Variants in PGBD5 observed in about 807,000 individuals in gnomAD.
PGBD5 encodes piggyBac transposable element-derived protein 5.
PGBD5 carries 14 observed loss-of-function variants against 47.9 expected under a neutral mutation model. The ratio of observed to expected loss-of-function variants is 0.29; its 90% CI spans 0.19 to 0.46. The LOEUF is 0.46. PGBD5 is among the 20% of genes least tolerant of loss of function. PGBD5 has a pLI of 1.00. For synonymous variants in PGBD5, 316 were observed against 306.3 expected, an observed-to-expected ratio of 1.03 and a Z score of -0.33; for missense variants, 635 against 716.0, an observed-to-expected ratio of 0.89 and a Z score of 1.29.
chr1:230,396,235 CA>C (rs1558210754), intron 1 of PGBD5, among the ~76,000 whole-genome samples: 25 of 9,900 alleles, frequency 2.5e-3, no homozygotes, highest in Non-Finnish European at 3.9e-3. Context: ...TTTTTACCCC[CA>C]CACTCCTCCC....
In PGBD5 at chr1:230,319,112, G is replaced by A. The variant is rs1467750594; in HGVS notation, c.*4313C>T. 7 of 152,220 alleles carry A rather than the reference G, an allele frequency of 4.6e-5. No homozygotes were observed. Among genetic ancestry groups the A allele is most frequent in the Non-Finnish European group, 1.0e-4 (7 of 68,060 alleles). The allele number at this position is 152,220 out of a possible 1,614,324, so 9.4% of individuals were successfully genotyped here. ...GACAGCCAGTGCCCACAGCAGTTAG[G>A]ACGCGGCCTCCTGCGTCAGGCAAAC... On this transcript the variant is annotated 3_prime_UTR_variant, in exon 7 of 7. Transcript: ENST00000391860.
At chr1:230,337,736 C>T (rs1430195764) in intron 3 of PGBD5, among the ~76,000 whole-genome samples, 1 of 152,028 alleles carries the variant, frequency 6.6e-6, no homozygotes, top group Non-Finnish European at 1.5e-5. Flanking sequence ...TTATAGTAAC[C>T]CCCATCAGGC....
intron 1 of PGBD5, among the ~76,000 whole-genome samples, chr1:230,420,504 G>A (rs190114347): frequency 7.9e-5 from 12 of 152,228 alleles, no homozygotes; most frequent in South Asian, 2.1e-4. Flanking sequence ...TGTCAAGGGC[G>A]GGGCCAGGTG....
In PGBD5 at chr1:230,369,350, A is replaced by T. The variant is rs551121989; in HGVS notation, c.332-12029T>A. Among the ~76,000 whole-genome samples the T allele has an allele frequency of 3.6e-4, 55 of 152,354 alleles. 1 individual carries two copies. The East Asian group carries it at 0.01, about 28-fold the overall frequency. Reference sequence around the variant, plus strand: ...CACCTATAAGACAGGCTCATGGGTCAGGGGGACTGCTTGCCCTCTGCTCAC... The same window carrying T: ...CACCTATAAGACAGGCTCATGGGTCTGGGGGACTGCTTGCCCTCTGCTCAC... On this transcript the variant is annotated intron_variant, in intron 1 of 6. Transcript: ENST00000391860.
At chr1:230,407,934 T>C (rs1057302560) in intron 1 of PGBD5, among the ~76,000 whole-genome samples, 1 of 152,188 alleles carries the variant, frequency 6.6e-6, no homozygotes, top group Non-Finnish European at 1.5e-5. Flanking sequence ...AACTGCATCA[T>C]CCTGTGGATT....
chr1:230,405,069 C>A (rs1385983501), intron 1 of PGBD5, among the ~76,000 whole-genome samples: 6 of 150,832 alleles, frequency 4.0e-5, no homozygotes, highest in Non-Finnish European at 1.5e-5. Flanking sequence ...GTGGCAGGCG[C>A]CTGTAGTCCC....
chr1:230,385,180 C>A (rs767392706), intron 1 of PGBD5, among the ~76,000 whole-genome samples: 48 of 134,712 alleles, frequency 3.6e-4, no homozygotes, highest in Non-Finnish European at 6.6e-4. Context: ...TAGATCCCCC[C>A]ATAACTCACT....
chr1:230,382,928 AG>A (rs140632565), intron 1 of PGBD5, among the ~76,000 whole-genome samples: 35,519 of 152,030 alleles, frequency 0.23, 5,319 homozygotes, highest in Non-Finnish European at 0.32. Flanking sequence ...CTTCATTGTA[AG>A]GATGCAGGCT....
intron 1 of PGBD5, among the ~76,000 whole-genome samples, chr1:230,376,450 G>A (rs889913400): frequency 6.6e-6 from 1 of 151,940 alleles, no homozygotes; most frequent in East Asian, 1.9e-4. Flanking sequence ...TAGAGTGGCT[G>A]AGTGGATTCT....
chr1:230,399,940 C>T (rs1377987450), intron 1 of PGBD5, among the ~76,000 whole-genome samples: 3 of 152,228 alleles, frequency 2.0e-5, no homozygotes, highest in African/African-American at 7.2e-5. Flanking sequence ...AGATCCCACG[C>T]TTGTCCTCTT....
rs1226689223 is a variant in PGBD5, at chr1:230,322,870, C to A, written c.*555G>T. 1.3e-5 allele frequency: 2 copies of A among 153,006 alleles called. No individual in the cohort carries two copies. The highest frequency in any genetic ancestry group is 3.8e-4 in the East Asian group (2 of 5,196). The allele number at this position is 153,006 out of a possible 1,614,324, so 9.5% of individuals were successfully genotyped here. Reference sequence around the variant, plus strand: ...AATGGGCACCCACTCCCCATTTCACCACTGTACACCCAGGATGTGTGTCTT... The same window carrying A: ...AATGGGCACCCACTCCCCATTTCACAACTGTACACCCAGGATGTGTGTCTT... On this transcript the variant is annotated 3_prime_UTR_variant, in exon 7 of 7. Coordinates refer to ENST00000391860, the MANE Select transcript of PGBD5 (RefSeq NM_001258311.2). The surrounding 1 kb of genome is among the most constrained non-coding windows in gnomAD (Gnocchi z 5.9).
chr1:230,321,623 C>T lies in PGBD5; in HGVS notation c.*1802G>A, dbSNP rs1189752409. On this transcript the variant is annotated 3_prime_UTR_variant, in exon 7 of 7. Transcript: ENST00000391860. Reference sequence around the variant, plus strand: ...CCCGCCTGTTCCCTGACCTTTTAAACGAATTCACGTATTAACGGAGAATCA... The same window carrying T: ...CCCGCCTGTTCCCTGACCTTTTAAATGAATTCACGTATTAACGGAGAATCA... 6.6e-6 allele frequency: 1 copy of T among 152,356 alleles called. No homozygotes were observed. The highest frequency in any genetic ancestry group is 2.4e-5 in the African/African-American group (1 of 41,446). The allele number at this position is 152,356 out of a possible 1,614,324, so 9.4% of individuals were successfully genotyped here.
chr1:230,384,444 CT>C (rs1558206703), intron 1 of PGBD5, among the ~76,000 whole-genome samples: 1 of 152,094 alleles, frequency 6.6e-6, no homozygotes. Flanking sequence ...AATTCTGCCC[CT>C]GGCATGTGAA....
Position 230,317,209 on chromosome 1 carries a change from G to A in PGBD5, c.*6216C>T, listed in dbSNP as rs1018485363. 6.6e-6 allele frequency: 1 copy of A among 152,240 alleles called. No homozygotes were observed. The highest frequency in any genetic ancestry group is 6.5e-5 in the Admixed American group (1 of 15,284). 9.4% of individuals were successfully genotyped at this position (152,240 alleles called of 1,614,324 possible). The stretch of plus-strand genomic sequence containing the variant: ...CACCCTCAAGGGCACAGACCACGTT[G>A]GGGTAACACGTGCCCAGTTCTTAGC... On this transcript the variant is annotated 3_prime_UTR_variant, in exon 7 of 7. Coordinates refer to ENST00000391860, the MANE Select transcript of PGBD5 (RefSeq NM_001258311.2).
chr1:230,404,470 T>C (rs903934766), intron 1 of PGBD5, among the ~76,000 whole-genome samples: 2 of 151,668 alleles, frequency 1.3e-5, no homozygotes, highest in African/African-American at 4.8e-5. Context: ...CCAAGTGTGG[T>C]GGCGCGCACC....
intron 3 of PGBD5, among the ~76,000 whole-genome samples, chr1:230,341,149 A>C (rs1371258718): frequency 6.6e-6 from 1 of 152,238 alleles, no homozygotes; most frequent in Non-Finnish European, 1.5e-5. Flanking sequence ...AGTTTCTAAA[A>C]GTGAATATAA....
At chr1:230,325,041 A>C (rs1667093558) in intron 6 of PGBD5, among the ~76,000 whole-genome samples, 1 of 152,178 alleles carries the variant, frequency 6.6e-6, no homozygotes. Context: ...TTCAGTAAGC[A>C]AAGGAAAGGG....
chr1:230,337,036 C>G (rs187479412), intron 4 of PGBD5, 72 bp downstream of exon 4: 3 of 1,536,318 alleles, frequency 2.0e-6, no homozygotes, highest in East Asian at 2.3e-5. Flanking sequence ...TCTGCACCCC[C>G]ACCTGGACCT....
At position 230,384,717 on chromosome 1, in the gene PGBD5, G is replaced by A. The variant is rs79876528; in HGVS notation, c.332-27396C>T. On this transcript the variant is annotated intron_variant, in intron 1 of 6. Transcript: ENST00000391860. The stretch of plus-strand genomic sequence containing the variant: ...GTGTTTGACTCTCACGACACCACGC[G>A]GCCTCTTACCTCAGTCTTCTCATCT... Among the ~76,000 whole-genome samples the A allele has an allele frequency of 2.7e-3, 404 of 152,308 alleles. 2 individuals are homozygous for A. Among genetic ancestry groups the A allele is most frequent in the African/African-American group, 9.5e-3 (394 of 41,566 alleles).
Sources: gnomAD v4.1 joint callset for allele counts (sites outside exome capture counted in the v4.1 genomes callset) on GRCh38, gnomAD v4.1.1 for gene constraint, Gnocchi (gnomAD v3.1) non-coding constraint, MANE v1.5 for transcripts, NCBI Gene and HGNC (gene_info 2026-07-23, HGNC 2026-07-21) for gene names.